Variants in KIRREL3 observed in about 807,000 individuals in gnomAD.
The protein encoded by KIRREL3 is kirre like nephrin family adhesion molecule 3, also known as kin of IRRE-like protein 3.
KIRREL3 carries 36 observed loss-of-function variants against 89.7 expected under a neutral mutation model. The observed-to-expected ratio is 0.40, with a 90% CI of 0.31 to 0.53. The LOEUF (loss-of-function observed/expected upper bound fraction) is 0.53. KIRREL3 is among the 20% of genes least tolerant of loss of function. The pLI, the probability that KIRREL3 is intolerant of heterozygous loss-of-function variation, is 0.49. For synonymous variants in KIRREL3, 445 were observed against 441.4 expected (o/e 1.01, Z -0.10); for missense variants, 864 against 1,056.6 (o/e 0.82, Z 2.53).
At chr11:126,688,344 G>C (rs1946746612) in intron 1 of KIRREL3, among the ~76,000 whole-genome samples, 1 of 152,236 alleles carries the variant, frequency 6.6e-6, no homozygotes, top group South Asian at 2.1e-4. Context: ...ACATGCCTCT[G>C]TGGACATGTT....
Position 126,620,963 on chromosome 11 carries a change from T to C in KIRREL3, c.56-58051A>G, listed in dbSNP as rs1943551587. Among the ~76,000 whole-genome samples, 2 of 152,338 alleles carry C rather than the reference T, an allele frequency of 1.3e-5. No individual in the cohort carries two copies. The highest frequency in any genetic ancestry group is 1.3e-4 in the Admixed American group (2 of 15,308). On this transcript the variant is annotated intron_variant, in intron 1 of 16. Transcript: ENST00000525144. This position sits in a 1 kb window ranked among gnomAD's most constrained non-coding sequence, Gnocchi z 4.8. ...GGTCTTTGGAACTGACCTGTGTGCC[T>C]GACTTGCAGACTTCTTAAGAGCAGG...
chr11:126,623,666 G>C lies in KIRREL3; in HGVS notation c.56-60754C>G, dbSNP rs973530105. On this transcript the variant is annotated intron_variant, in intron 1 of 16. Coordinates refer to ENST00000525144, the MANE Select transcript of KIRREL3 (RefSeq NM_032531.4). This position sits in a 1 kb window ranked among gnomAD's most constrained non-coding sequence, Gnocchi z 4.1. ...GTGGTCAGGACCAGGTTGTGTGCAGGGCAGCTCTGATTGCTTTCTTAGCAG... is the reference window on the plus strand; with the variant it reads ...GTGGTCAGGACCAGGTTGTGTGCAGCGCAGCTCTGATTGCTTTCTTAGCAG... 3.2e-4 allele frequency among the ~76,000 whole-genome samples: 48 copies of C among 152,040 alleles called. 1 individual carries two copies. Among genetic ancestry groups the C allele is most frequent in the Admixed American group, 2.7e-3 (42 of 15,274 alleles).
At chr11:126,691,845 A>T (rs1320548323) in intron 1 of KIRREL3, among the ~76,000 whole-genome samples, 1 of 152,270 alleles carries the variant, frequency 6.6e-6, no homozygotes, top group African/African-American at 2.4e-5. Flanking sequence ...GATTTAAAAA[A>T]AATGGGAAAA....
intron 1 of KIRREL3, among the ~76,000 whole-genome samples, chr11:126,839,944 A>G (rs954044629): frequency 3.0e-4 from 45 of 152,238 alleles, no homozygotes; most frequent in Non-Finnish European, 4.4e-5. Context: ...CACTTCGTAC[A>G]GAGTGCATTC....
chr11:126,791,194 A>G lies in KIRREL3; in HGVS notation c.55+209261T>C, dbSNP rs1025434311. On this transcript the variant is annotated intron_variant, in intron 1 of 16. Coordinates refer to ENST00000525144, the MANE Select transcript of KIRREL3 (RefSeq NM_032531.4). This position sits in a 1 kb window ranked among gnomAD's most constrained non-coding sequence, Gnocchi z 4.8. ...TGCTTCAGAAGAAAAGTCTGTGTTT[A>G]GGAAACCTCTTATTGAGGAAAGAGT... 2.6e-5 allele frequency among the ~76,000 whole-genome samples: 4 copies of G among 152,224 alleles called. No individual in the cohort carries two copies. Among genetic ancestry groups the G allele is most frequent in the African/African-American group, 9.6e-5 (4 of 41,468 alleles).
chr11:126,863,395 GTGAGTGCGTGAGTGCGTGTGTGAGCGCA>G lies in KIRREL3; in HGVS notation c.55+137032_55+137059del, dbSNP rs1285908676. Among the ~76,000 whole-genome samples the G allele has an allele frequency of 1.3e-4, 12 of 88,934 alleles. No individual in the cohort carries two copies. The South Asian group carries it at 2.1e-3, about 15-fold the overall frequency. The allele number at this position is 88,934 out of a possible 152,430, so 58.3% of individuals were successfully genotyped here. Reference sequence around the variant, plus strand: ...TGCGTGTGTGTGTTTGAGTGCGTGTGTGAGTGCGTGAGTGCGTGTGTGAGCGCATGTGTGTGAGTGCGTGTGTGAGTGT... The same window carrying G: ...TGCGTGTGTGTGTTTGAGTGCGTGTGTGTGTGTGAGTGCGTGTGTGAGTGT... On this transcript the variant is annotated intron_variant, in intron 1 of 16. Transcript: ENST00000525144.
intron 1 of KIRREL3, among the ~76,000 whole-genome samples, chr11:126,806,093 G>T (rs1034214222): frequency 6.6e-6 from 1 of 152,174 alleles, no homozygotes; most frequent in Non-Finnish European, 1.5e-5. Context: ...ATCCCAATTT[G>T]AGTTTAAACT....
chr11:126,433,456 G>T (rs985198816), intron 13 of KIRREL3, among the ~76,000 whole-genome samples: 2 of 152,202 alleles, frequency 1.3e-5, no homozygotes, highest in Admixed American at 1.3e-4. Context: ...CAGTGTTGCT[G>T]GTTAAGCTGG....
chr11:126,575,878 C>T lies in KIRREL3; in HGVS notation c.56-12966G>A, dbSNP rs567641688. Among the ~76,000 whole-genome samples the T allele has an allele frequency of 1.2e-4, 18 of 152,322 alleles. 1 individual carries two copies. The South Asian group carries it at 3.7e-3, about 32-fold the overall frequency. On this transcript the variant is annotated intron_variant, in intron 1 of 16. Coordinates refer to ENST00000525144, the MANE Select transcript of KIRREL3 (RefSeq NM_032531.4). This position sits in a 1 kb window ranked among gnomAD's most constrained non-coding sequence, Gnocchi z 7.0. ...CCCTACCCTTGCAGATGGGCATCCC[C>T]TCCTCTGGACACCACCCCCCGCCAA...
Position 126,772,115 on chromosome 11 carries a change from C to G in KIRREL3, c.56-209203G>C, listed in dbSNP as rs932098713. On this transcript the variant is annotated intron_variant, in intron 1 of 16. Transcript: ENST00000525144. The surrounding 1 kb of genome is among the most constrained non-coding windows in gnomAD (Gnocchi z 4.6). ...CAGGGCAGAAGAACCAGTGTAGTCT[C>G]TCACTAATGTCTTAGCTCTGGTCTG... Among the ~76,000 whole-genome samples, 1 of 152,098 alleles carries G rather than the reference C, an allele frequency of 6.6e-6. No homozygotes were observed. The highest frequency in any genetic ancestry group is 2.4e-5 in the African/African-American group (1 of 41,404).
chr11:126,735,834 G>A lies in KIRREL3; in HGVS notation c.56-172922C>T, dbSNP rs539615700. 9.9e-4 allele frequency among the ~76,000 whole-genome samples: 151 copies of A among 152,276 alleles called. 2 individuals carry two copies. In the South Asian group the frequency reaches 0.028, roughly 28 times the overall value. On this transcript the variant is annotated intron_variant, in intron 1 of 16. Coordinates refer to ENST00000525144, the MANE Select transcript of KIRREL3 (RefSeq NM_032531.4). ...TTTCTCAGATACGGCATTTATCATG[G>A]GTAACAGATGAATGGATAATCTTAA...
chr11:126,588,261 C>T (rs1031444047), intron 1 of KIRREL3, among the ~76,000 whole-genome samples: 2 of 152,188 alleles, frequency 1.3e-5, no homozygotes, highest in African/African-American at 4.8e-5. Flanking sequence ...AGCTGTGTGG[C>T]CTTGCCCTTT....
Position 126,615,973 on chromosome 11 carries a change from C to A in KIRREL3, c.56-53061G>T, listed in dbSNP as rs141361968. On this transcript the variant is annotated intron_variant, in intron 1 of 16. Transcript: ENST00000525144. This position sits in a 1 kb window ranked among gnomAD's most constrained non-coding sequence, Gnocchi z 5.4. The stretch of plus-strand genomic sequence containing the variant: ...GCCCTGGGTGTGTGTGTGTGGGGTG[C>A]GTGGGTGGGGAGATGCATGACTGCT... Among the ~76,000 whole-genome samples the A allele has an allele frequency of 0.029, 4,450 of 152,010 alleles. 111 individuals carry two copies. The highest frequency in any genetic ancestry group is 0.071 in the Middle Eastern group (21 of 294).
intron 1 of KIRREL3, among the ~76,000 whole-genome samples, chr11:126,815,963 T>C (rs1008681103): frequency 1.3e-4 from 20 of 152,194 alleles, no homozygotes; most frequent in African/African-American, 3.6e-4. Flanking sequence ...TTCTTACAGA[T>C]CCAGAGCTGA....
intron 1 of KIRREL3, among the ~76,000 whole-genome samples, chr11:126,631,174 T>C (rs1347814168): frequency 2.6e-5 from 4 of 152,080 alleles, no homozygotes; most frequent in Non-Finnish European, 5.9e-5. Context: ...CTGCTATGTA[T>C]TCAGCAACCT....
Position 126,528,791 on chromosome 11 carries a change from G to T in KIRREL3, c.134-2104C>A, listed in dbSNP as rs1485735093. On this transcript the variant is annotated intron_variant, in intron 2 of 16. Transcript: ENST00000525144. This position sits in a 1 kb window ranked among gnomAD's most constrained non-coding sequence, Gnocchi z 4.6. ...AGCAAAGGAGTGAAGTGAGGACGTG[G>T]GAGAGAAGAGGAGAGGGAGAGGAAG... is the stretch of plus-strand genomic sequence containing the variant. Among the ~76,000 whole-genome samples, 1 of 149,060 alleles carries T rather than the reference G, an allele frequency of 6.7e-6. No homozygotes were observed. The highest frequency in any genetic ancestry group is 1.5e-5 in the Non-Finnish European group (1 of 67,306).
intron 1 of KIRREL3, among the ~76,000 whole-genome samples, chr11:126,937,676 G>A (rs1948254567): frequency 6.6e-6 from 1 of 152,158 alleles, no homozygotes; most frequent in South Asian, 2.1e-4. Flanking sequence ...AAGGCGGGTG[G>A]ATCACGAGGT....
At chr11:126,512,246 G>A (rs1958248327) in intron 4 of KIRREL3, among the ~76,000 whole-genome samples, 3 of 152,226 alleles carry the variant, frequency 2.0e-5, no homozygotes, top group Non-Finnish European at 4.4e-5. Flanking sequence ...CTGACCGGAT[G>A]TTCTTGTGTC....
chr11:126,685,791 G>A lies in KIRREL3; in HGVS notation c.56-122879C>T, dbSNP rs1359459692. 6.6e-6 allele frequency among the ~76,000 whole-genome samples: 1 copy of A among 152,232 alleles called. No individual in the cohort carries two copies. Among genetic ancestry groups the A allele is most frequent in the African/African-American group, 2.4e-5 (1 of 41,468 alleles). ...GCCATTCAGAGCTGTTGCCCTCACA[G>A]CATTCAGTGATGTTTGCCAGAGTGG... On this transcript the variant is annotated intron_variant, in intron 1 of 16. Transcript: ENST00000525144. This position sits in a 1 kb window ranked among gnomAD's most constrained non-coding sequence, Gnocchi z 5.5.
Sources: allele counts gnomAD v4.1 joint callset (sites outside exome capture counted in the v4.1 genomes callset), GRCh38; gene constraint gnomAD v4.1.1; non-coding constraint Gnocchi (gnomAD v3.1); transcripts MANE v1.5; gene names NCBI Gene and HGNC (gene_info 2026-07-23, HGNC 2026-07-21).